KRTAP5-7: variants seen among roughly 807,000 people sequenced by gnomAD.
KRTAP5-7 encodes keratin-associated protein 5-7.
In KRTAP5-7, 1 loss-of-function variant was observed where a neutral mutation model predicts 2.4. The ratio of observed to expected loss-of-function variants is 0.42; its 90% CI spans 0.15 to 2.01. The LOEUF (loss-of-function observed/expected upper bound fraction) is 2.01. KRTAP5-7 is among the 30% of genes most tolerant of loss of function. The pLI, the probability that KRTAP5-7 is intolerant of heterozygous loss-of-function variation, is 0.29. For missense variants in KRTAP5-7, 161 were observed against 200.8 expected (o/e 0.80, Z 1.20); for synonymous variants, 55 against 80.8 (o/e 0.68, Z 1.71).
chr11:71,527,851 G>T lies in KRTAP5-7; in HGVS notation c.*53G>T. On this transcript the variant is annotated 3_prime_UTR_variant, in exon 1 of 1. Coordinates refer to ENST00000398536, the MANE Select transcript of KRTAP5-7 (RefSeq NM_001012503.2). ...CCTGCTAACCCCATTTTCCGAAGCT[G>T]TGACCTGTCCTTCATCGTTGAGCCC... is the stretch of plus-strand genomic sequence containing the variant. 6.2e-7 allele frequency: 1 copy of T among 1,611,908 alleles called. No homozygotes were observed. The highest frequency in any genetic ancestry group is 1.3e-5 in the African/African-American group (1 of 75,038).
chr11:71,528,153 A>T lies in KRTAP5-7; in HGVS notation c.*355A>T. The T allele has an allele frequency of 2.5e-6, 1 of 397,806 alleles. No homozygotes were observed. The highest frequency in any genetic ancestry group is 3.4e-5 in the South Asian group (1 of 29,774). The allele number at this position is 397,806 out of a possible 1,614,324, so 24.6% of individuals were successfully genotyped here. On this transcript the variant is annotated 3_prime_UTR_variant, in exon 1 of 1. Coordinates refer to ENST00000398536, the MANE Select transcript of KRTAP5-7 (RefSeq NM_001012503.2). ...ACCTGCAACAAGGTGGGCGTTTAAG[A>T]GGCTTCCTTGGAGTGGCTTTGCCTG...
chr11:71,528,023 C>A lies in KRTAP5-7; in HGVS notation c.*225C>A. The A allele has an allele frequency of 1.2e-6, 1 of 867,212 alleles. No individual in the cohort carries two copies. Among genetic ancestry groups the A allele is most frequent in the Non-Finnish European group, 1.8e-6 (1 of 568,084 alleles). 53.7% of individuals were successfully genotyped at this position (867,212 alleles called of 1,614,324 possible). A position where few individuals can be genotyped will look rare whatever the true frequency, so the allele number is the denominator to read the frequency against. On this transcript the variant is annotated 3_prime_UTR_variant, in exon 1 of 1. Coordinates refer to ENST00000398536, the MANE Select transcript of KRTAP5-7 (RefSeq NM_001012503.2). ...AACTGCAACTGCGGCTGAATCACCC[C>A]TCACCCGCTAGCCTTGCCTTTGCTT...
chr11:71,527,993 A>C lies in KRTAP5-7; in HGVS notation c.*195A>C. ...TTCCCTCCTAACAAATTCTCTTCCC[A>C]AGTCAACTGCAACTGCGGCTGAATC... On this transcript the variant is annotated 3_prime_UTR_variant, in exon 1 of 1. Transcript: ENST00000398536. The C allele has an allele frequency of 9.0e-7, 1 of 1,107,670 alleles. No individual in the cohort carries two copies. The highest frequency in any genetic ancestry group is 1.3e-6 in the Non-Finnish European group (1 of 780,596). 68.6% of individuals were successfully genotyped at this position (1,107,670 alleles called of 1,614,324 possible). A position where few individuals can be genotyped will look rare whatever the true frequency, so the allele number is the denominator to read the frequency against.
chr11:71,527,533 G>T lies in KRTAP5-7; in HGVS notation c.233G>T (p.Gly78Val), dbSNP rs1949997884. Residue 78 changes from glycine (G) to valine (V), a missense_variant, in exon 1 of 1, where the codon GGC becomes GTC. Physicochemically the swap from Gly to Val is moderately radical, Grantham distance 109. This residue lies in a region of KRTAP5-7 where 116 missense variants were observed against 113.7 expected (regional missense o/e 1.02). Transcript: ENST00000398536. ...GSCGGSKGGC[G>V]SCGGSKGGCG... ...TGTGGGGGCTCCAAGGGGGGCTGTGGCTCTTGTGGGGGTTCTAAGGGGGGC... is the reference window on the plus strand; with the variant it reads ...TGTGGGGGCTCCAAGGGGGGCTGTGTCTCTTGTGGGGGTTCTAAGGGGGGC... 1 of 1,610,544 alleles carries T rather than the reference G, an allele frequency of 6.2e-7. No individual in the cohort carries two copies. The highest frequency in any genetic ancestry group is 1.3e-5 in the African/African-American group (1 of 74,394).
In KRTAP5-7 at chr11:71,528,023, C is replaced by T. The variant is rs1950004242; in HGVS notation, c.*225C>T. The T allele has an allele frequency of 1.2e-6, 1 of 867,214 alleles. No individual in the cohort carries two copies. The highest frequency in any genetic ancestry group is 1.8e-6 in the Non-Finnish European group (1 of 568,086). 53.7% of individuals were successfully genotyped at this position (867,214 alleles called of 1,614,324 possible). On this transcript the variant is annotated 3_prime_UTR_variant, in exon 1 of 1. Transcript: ENST00000398536. ...AACTGCAACTGCGGCTGAATCACCC[C>T]TCACCCGCTAGCCTTGCCTTTGCTT... is the stretch of plus-strand genomic sequence containing the variant.
At position 71,527,885 on chromosome 11, in the gene KRTAP5-7, T is replaced by C. The variant is rs960989857; in HGVS notation, c.*87T>C. 305 of 1,595,050 alleles carry C rather than the reference T, an allele frequency of 1.9e-4. 1 individual carries two copies. The highest frequency in any genetic ancestry group is 2.6e-4 in the Non-Finnish European group (301 of 1,168,878). On this transcript the variant is annotated 3_prime_UTR_variant, in exon 1 of 1. Transcript: ENST00000398536. ...CCTTCATCGTTGAGCCCCAAACCAC[T>C]GCTCAGGGTCCATTCCTCACTATAA...
rs12271719 is a variant in KRTAP5-7, at chr11:71,527,534, C to A, written c.234C>A (p.Gly78=). ...GSCGGSKGGC[G]SCGGSKGGCG... is the part of the protein sequence containing the mutation. ...GTGGGGGCTCCAAGGGGGGCTGTGG[C>A]TCTTGTGGGGGTTCTAAGGGGGGCT... Residue 78 remains glycine (G), a synonymous_variant, in exon 1 of 1, where the codon GGC becomes GGA. Transcript: ENST00000398536. 9.3e-6 allele frequency: 15 copies of A among 1,606,412 alleles called. No homozygotes were observed. The highest frequency in any genetic ancestry group is 1.4e-5 in the African/African-American group (1 of 72,880).
chr11:71,527,482 G>A lies in KRTAP5-7; in HGVS notation c.182G>A (p.Gly61Glu), dbSNP rs779419741. The A allele has an allele frequency of 3.9e-6, 6 of 1,544,856 alleles. No homozygotes were observed. The Admixed American group carries it at 1.0e-4, about 26-fold the overall frequency. The part of the protein sequence containing the change: ...ACSCSSCGSC[G>E]GSKGGCGSCG... ...TCCTGCTCCAGCTGTGGCTCCTGTG[G>A]GGGCTCCAAGGGAGGCTGTGGCTCC... Residue 61 changes from glycine to glutamate, a missense_variant, in exon 1 of 1, where the codon GGG (glycine) becomes GAG (glutamate). Physicochemically the swap from Gly to Glu is moderately conservative, Grantham distance 98. This residue lies in a region of KRTAP5-7 where 116 missense variants were observed against 113.7 expected (regional missense o/e 1.02). Transcript: ENST00000398536.
rs1950005273 is a variant in KRTAP5-7, at chr11:71,528,258, G to GTTTTACACATCTCTGTTTTCT, written c.*460_*461insTTTTACACATCTCTGTTTTCT. On this transcript the variant is annotated 3_prime_UTR_variant, in exon 1 of 1. Coordinates refer to ENST00000398536, the MANE Select transcript of KRTAP5-7 (RefSeq NM_001012503.2). ...GCCGACAAACTGAAACACATATCTT[G>GTTTTACACATCTCTGTTTTCT]CTGATTTCTCTGTTGTTCGGGGTCA... 3 of 241,332 alleles carry GTTTTACACATCTCTGTTTTCT rather than the reference G, an allele frequency of 1.2e-5. No homozygotes were observed. In the South Asian group the frequency reaches 2.3e-4, roughly 18 times the overall value. 14.9% of individuals were successfully genotyped at this position (241,332 alleles called of 1,614,324 possible).
chr11:71,527,343 G>C lies in KRTAP5-7; in HGVS notation c.43G>C (p.Gly15Arg), dbSNP rs747062234. ...GCSEGCGSGC[G>R]GCGSGCGGCG... ...TTCCGAAGGCTGTGGCTCCGGCTGTGGGGGCTGTGGCTCCGGCTGTGGGGG... is the reference window on the plus strand; with the variant it reads ...TTCCGAAGGCTGTGGCTCCGGCTGTCGGGGCTGTGGCTCCGGCTGTGGGGG... The change falls in exon 1 of 1, where the codon GGG becomes CGG. Residue 15 changes from glycine (G) to arginine (R), a missense_variant. Gly to Arg is a moderately radical substitution (Grantham distance 125, BLOSUM62 -2). Coordinates refer to ENST00000398536, the MANE Select transcript of KRTAP5-7 (RefSeq NM_001012503.2). The C allele has an allele frequency of 1.2e-6, 2 of 1,611,532 alleles. No individual in the cohort carries two copies. The highest frequency in any genetic ancestry group is 8.5e-7 in the Non-Finnish European group (1 of 1,178,882).
In KRTAP5-7 at chr11:71,527,947, G is replaced by A. The variant is rs1474295626; in HGVS notation, c.*149G>A. On this transcript the variant is annotated 3_prime_UTR_variant, in exon 1 of 1. Coordinates refer to ENST00000398536, the MANE Select transcript of KRTAP5-7 (RefSeq NM_001012503.2). ...ATCTGCCTGCCTTTTCCTAAGGAGAGTCCACCCTAATTAATGTCCATTCCC... is the reference window on the plus strand; with the variant it reads ...ATCTGCCTGCCTTTTCCTAAGGAGAATCCACCCTAATTAATGTCCATTCCC... 3.2e-5 allele frequency: 46 copies of A among 1,421,802 alleles called. No individual in the cohort carries two copies. Among genetic ancestry groups the A allele is most frequent in the Non-Finnish European group, 4.3e-5 (45 of 1,040,314 alleles). The allele number at this position is 1,421,802 out of a possible 1,614,324, so 88.1% of individuals were successfully genotyped here.
rs771832611 is a variant in KRTAP5-7, at chr11:71,527,490, A to G, written c.190A>G (p.Lys64Glu). Reference protein sequence around the residue: ...CSSCGSCGGSKGGCGSCGGSK... With the variant: ...CSSCGSCGGSEGGCGSCGGSK... ...CAGCTGTGGCTCCTGTGGGGGCTCC[A>G]AGGGAGGCTGTGGCTCCTGTGGGGG... is the stretch of plus-strand genomic sequence containing the variant. Residue 64 changes from lysine (K) to glutamate (E), a missense_variant, in exon 1 of 1, where the codon AAG becomes GAG. By Grantham distance (56) the Lys-to-Glu change is moderately conservative (BLOSUM62 1). This residue lies in a region of KRTAP5-7 where 116 missense variants were observed against 113.7 expected (regional missense o/e 1.02). Coordinates refer to ENST00000398536, the MANE Select transcript of KRTAP5-7 (RefSeq NM_001012503.2). 1 of 1,458,296 alleles carries G rather than the reference A, an allele frequency of 6.9e-7. No individual in the cohort carries two copies. The highest frequency in any genetic ancestry group is 1.8e-5 in the Admixed American group (1 of 54,384). 90.3% of individuals were successfully genotyped at this position (1,458,296 alleles called of 1,614,324 possible).
Position 71,527,268 on chromosome 11 carries a change from C to T in KRTAP5-7, c.-33C>T. Reference sequence around the variant, plus strand: ...ACCTGCACCTCCCTCTCACCTGCTCCTCTACCTGCTCCACCCTCAATCCAC... The same window carrying T: ...ACCTGCACCTCCCTCTCACCTGCTCTTCTACCTGCTCCACCCTCAATCCAC... On this transcript the variant is annotated 5_prime_UTR_variant, in exon 1 of 1. Transcript: ENST00000398536. The T allele has an allele frequency of 1.2e-6, 2 of 1,613,260 alleles. No individual in the cohort carries two copies. The highest frequency in any genetic ancestry group is 1.7e-6 in the Non-Finnish European group (2 of 1,180,004).
At position 71,527,420 on chromosome 11, in the gene KRTAP5-7, C is replaced by G; in HGVS notation, c.120C>G (p.Cys40Trp). ...GCGSSCCVPV[C>W]CCKPVCCCVP... ...GCTCCAGCTGCTGTGTGCCCGTCTGCTGCTGCAAGCCCGTGTGCTGCTGTG... is the reference window on the plus strand; with the variant it reads ...GCTCCAGCTGCTGTGTGCCCGTCTGGTGCTGCAAGCCCGTGTGCTGCTGTG... The change falls in exon 1 of 1, where the codon TGC becomes TGG. Residue 40 changes from cysteine to tryptophan, a missense_variant. Around this residue, in one of 4 missense-constraint regions of KRTAP5-7, gnomAD observed 116 missense variants for 113.7 expected, o/e 1.02. Coordinates refer to ENST00000398536, the MANE Select transcript of KRTAP5-7 (RefSeq NM_001012503.2). The G allele has an allele frequency of 6.2e-7, 1 of 1,612,064 alleles. No homozygotes were observed. The highest frequency in any genetic ancestry group is 8.5e-7 in the Non-Finnish European group (1 of 1,179,380).
rs201819272 is a variant in KRTAP5-7 at position 71,527,553 on chromosome 11, G to T, written c.253G>T (p.Gly85Trp). ...CTGTGGCTCTTGTGGGGGTTCTAAG[G>T]GGGGCTGTGGTTCTTGTGGCTGCTC... ...GGCGSCGGSK[G>W]GCGSCGCSQC... The change falls in exon 1 of 1, where the codon GGG becomes TGG. Residue 85 changes from glycine (G) to tryptophan (W), a missense_variant. Gly to Trp is a radical substitution (Grantham distance 184). Transcript: ENST00000398536. The T allele has an allele frequency of 8.1e-6, 13 of 1,612,660 alleles. No homozygotes were observed. In the African/African-American group the frequency reaches 1.6e-4, roughly 20 times the overall value.
chr11:71,527,529 T>G lies in KRTAP5-7; in HGVS notation c.229T>G (p.Cys77Gly). ...CGSCGGSKGGCGSCGGSKGGC... is the reference protein window; with the variant it reads ...CGSCGGSKGGGGSCGGSKGGC... ...CTCCTGTGGGGGCTCCAAGGGGGGC[T>G]GTGGCTCTTGTGGGGGTTCTAAGGG... Residue 77 changes from cysteine (C) to glycine (G), a missense_variant, in exon 1 of 1, where the codon TGT becomes GGT. Cys to Gly is a radical substitution (Grantham distance 159). This residue lies in a region of KRTAP5-7 where 116 missense variants were observed against 113.7 expected (regional missense o/e 1.02). Transcript: ENST00000398536. The G allele has an allele frequency of 6.3e-7, 1 of 1,584,554 alleles. No homozygotes were observed. The highest frequency in any genetic ancestry group is 1.1e-5 in the South Asian group (1 of 90,382).
At position 71,527,864 on chromosome 11, in the gene KRTAP5-7, C is replaced by T; in HGVS notation, c.*66C>T. 6.2e-7 allele frequency: 1 copy of T among 1,606,838 alleles called. No homozygotes were observed. Among genetic ancestry groups the T allele is most frequent in the South Asian group, 1.1e-5 (1 of 89,736 alleles). On this transcript the variant is annotated 3_prime_UTR_variant, in exon 1 of 1. Coordinates refer to ENST00000398536, the MANE Select transcript of KRTAP5-7 (RefSeq NM_001012503.2). Reference sequence around the variant, plus strand: ...TTTTCCGAAGCTGTGACCTGTCCTTCATCGTTGAGCCCCAAACCACTGCTC... The same window carrying T: ...TTTTCCGAAGCTGTGACCTGTCCTTTATCGTTGAGCCCCAAACCACTGCTC...
Position 71,527,981 on chromosome 11 carries a change from A to T in KRTAP5-7, c.*183A>T. ...AATTAATGTCCATTCCCTCCTAACA[A>T]ATTCTCTTCCCAAGTCAACTGCAAC... On this transcript the variant is annotated 3_prime_UTR_variant, in exon 1 of 1. Coordinates refer to ENST00000398536, the MANE Select transcript of KRTAP5-7 (RefSeq NM_001012503.2). The T allele has an allele frequency of 8.3e-7, 1 of 1,200,298 alleles. No homozygotes were observed. 74.4% of individuals were successfully genotyped at this position (1,200,298 alleles called of 1,614,324 possible).
Position 71,527,881 on chromosome 11 carries a change from C to A in KRTAP5-7, c.*83C>A. Reference sequence around the variant, plus strand: ...CTGTCCTTCATCGTTGAGCCCCAAACCACTGCTCAGGGTCCATTCCTCACT... The same window carrying A: ...CTGTCCTTCATCGTTGAGCCCCAAAACACTGCTCAGGGTCCATTCCTCACT... On this transcript the variant is annotated 3_prime_UTR_variant, in exon 1 of 1. Transcript: ENST00000398536. The A allele has an allele frequency of 6.3e-7, 1 of 1,599,264 alleles. No homozygotes were observed. The highest frequency in any genetic ancestry group is 8.5e-7 in the Non-Finnish European group (1 of 1,171,420).
Sources: gnomAD v4.1 joint callset for allele counts on GRCh38, gnomAD v4.1.1 for gene constraint, gnomAD v4.1.1 regional missense constraint, MANE v1.5 for transcripts, NCBI Gene and HGNC (gene_info 2026-07-23, HGNC 2026-07-21) for gene names.